ABCB9: variants seen among roughly 807,000 people sequenced by gnomAD.
The protein encoded by ABCB9 is ATP binding cassette subfamily B member 9.
Under a neutral mutation model 62.0 loss-of-function variants are expected in ABCB9, and 36 were observed. The observed-to-expected ratio is 0.58, with a 90% confidence interval of 0.45 to 0.77. The LOEUF is 0.77. ABCB9 is among the 30% of genes least tolerant of loss of function. The probability of loss-of-function intolerance (pLI) is 0.00; values close to 1 mark genes in which losing one functional copy is unlikely to be tolerated. For synonymous variants in ABCB9, 435 were observed against 461.4 expected, an observed-to-expected ratio of 0.94 and a Z score of 0.73; for missense variants, 943 against 1,054.7, an observed-to-expected ratio of 0.89 and a Z score of 1.47.
intron 1 of ABCB9, among the ~76,000 whole-genome samples, chr12:122,973,505 A>C (rs1358258812): frequency 1.6e-5 from 2 of 129,016 alleles, no homozygotes; most frequent in Non-Finnish European, 3.2e-5. Flanking sequence ...CGGAGCTTGC[A>C]GTGAGCCGAG....
chr12:122,960,338 C>T lies in ABCB9; in HGVS notation c.-87-16G>A. 2 of 1,449,098 alleles carry T rather than the reference C, an allele frequency of 1.4e-6. No individual in the cohort carries two copies. Among genetic ancestry groups the T allele is most frequent in the Non-Finnish European group, 1.8e-6 (2 of 1,090,294 alleles). The allele number at this position is 1,449,098 out of a possible 1,614,324, so 89.8% of individuals were successfully genotyped here. A position where few individuals can be genotyped will look rare whatever the true frequency, so the allele number is the denominator to read the frequency against. On this transcript the variant is annotated splice_polypyrimidine_tract_variant and intron_variant, in intron 1 of 11. Coordinates refer to ENST00000280560, the MANE Select transcript of ABCB9 (RefSeq NM_019625.4). The stretch of plus-strand genomic sequence containing the variant: ...GAGGCCAGGCCTGTAGGGACAACAG[C>T]AAACATCAGCACAAGGGGTTCAGGT...
At position 122,930,976 on chromosome 12, in the gene ABCB9, T is replaced by C. The variant is rs934206717; in HGVS notation, c.2041-805A>G. ...CTTGAGGTCACACAGTTATAAACTGTAGGACGGAGCTGCTAATCCAGGTAT... is the reference window on the plus strand; with the variant it reads ...CTTGAGGTCACACAGTTATAAACTGCAGGACGGAGCTGCTAATCCAGGTAT... On this transcript the variant is annotated intron_variant, in intron 11 of 11. Transcript: ENST00000280560. The surrounding 1 kb of genome is among the most constrained non-coding windows in gnomAD (Gnocchi z 4.9). Among the ~76,000 whole-genome samples, 2 of 152,180 alleles carry C rather than the reference T, an allele frequency of 1.3e-5. No individual in the cohort carries two copies. The highest frequency in any genetic ancestry group is 2.1e-4 in the South Asian group (1 of 4,836).
chr12:122,973,644 G>A (rs1177225359), intron 1 of ABCB9, among the ~76,000 whole-genome samples: 1 of 128,720 alleles, frequency 7.8e-6, no homozygotes, highest in African/African-American at 2.9e-5. Flanking sequence ...GGGGGACCAC[G>A]AGGTCAGGAG....
At chr12:122,971,170 G>A (rs1351233107), upstream of ABCB9, among the ~76,000 whole-genome samples, 1 of 152,010 alleles carries the variant, frequency 6.6e-6, no homozygotes, top group Non-Finnish European at 1.5e-5. Context: ...ATCACCTGAG[G>A]TCAGGAGTTC....
chr12:122,938,171 CAT>C (rs2035556329), intron 9 of ABCB9, among the ~76,000 whole-genome samples: 1 of 152,150 alleles, frequency 6.6e-6, no homozygotes, highest in Non-Finnish European at 1.5e-5. Flanking sequence ...CAACAGAAAA[CAT>C]AGACAAAATT....
At chr12:122,934,358 T>C (rs991137904) in intron 10 of ABCB9, among the ~76,000 whole-genome samples, 3 of 152,208 alleles carry the variant, frequency 2.0e-5, no homozygotes, top group African/African-American at 7.2e-5. Context: ...ATACATTGTA[T>C]ATATTTAATT....
At chr12:122,946,315 C>T (rs998639299) in intron 5 of ABCB9, 93 bp from the exon 6 acceptor site, 13 of 1,301,790 alleles carry the variant, frequency 1.0e-5, no homozygotes, top group South Asian at 2.5e-5. Context: ...TTCCACCCTT[C>T]GCTGGCACCA....
rs1450197525 is a variant in ABCB9 at position 122,932,095 on chromosome 12, GGCCCGTCTCTT to G, written c.2040+86_2040+96del. On this transcript the variant is annotated intron_variant, in intron 11 of 11. Transcript: ENST00000280560. The surrounding 1 kb of genome is among the most constrained non-coding windows in gnomAD (Gnocchi z 4.7). Reference sequence around the variant, plus strand: ...GCTGATAGTCTGGGAGAGCTCCTGGGGCCCGTCTCTTCTCAGCATCCATCTGCTGGGCGATG... The same window carrying G: ...GCTGATAGTCTGGGAGAGCTCCTGGGCTCAGCATCCATCTGCTGGGCGATG... The G allele has an allele frequency of 5.2e-6, 8 of 1,540,426 alleles. No homozygotes were observed. Among genetic ancestry groups the G allele is most frequent in the African/African-American group, 2.7e-5 (2 of 72,898 alleles).
chr12:122,930,163 C>G lies in ABCB9; in HGVS notation c.2049G>C (p.Gln683His), dbSNP rs974283214. The G allele has an allele frequency of 1.9e-6, 3 of 1,546,422 alleles. No individual in the cohort carries two copies. The highest frequency in any genetic ancestry group is 2.6e-6 in the Non-Finnish European group (3 of 1,143,536). Residue 683 changes from glutamine to histidine, a missense_variant, in exon 12 of 12, where the codon CAG (glutamine) becomes CAC (histidine). Gln to His is a conservative substitution (Grantham distance 24). Coordinates refer to ENST00000280560, the MANE Select transcript of ABCB9 (RefSeq NM_019625.4). This position sits in a 1 kb window ranked among gnomAD's most constrained non-coding sequence, Gnocchi z 4.9. Reference sequence around the variant, plus strand: ...GCTTCTGCAGGTTGCCATGGATGGCCTGCTGGATCTGCGGGGACAGTGGGG... The same window carrying G: ...GCTTCTGCAGGTTGCCATGGATGGCGTGCTGGATCTGCGGGGACAGTGGGG... Reference protein sequence around the residue: ...LDAESEYLIQQAIHGNLQKHT... With the variant: ...LDAESEYLIQHAIHGNLQKHT...
intron 1 of ABCB9, among the ~76,000 whole-genome samples, chr12:122,961,193 T>G (rs1459462960): frequency 6.6e-6 from 1 of 151,944 alleles, no homozygotes; most frequent in Non-Finnish European, 1.5e-5. Context: ...TTATTTTATT[T>G]ATTTATTTAT....
At chr12:122,939,302 C>T (rs2035617433) in intron 9 of ABCB9, 1 of 152,264 alleles carries the variant, frequency 6.6e-6, no homozygotes, top group Admixed American at 6.5e-5. Context: ...ACCTGGATGA[C>T]TCACAATGTC....
chr12:122,945,110 G>A (rs540145840), intron 6 of ABCB9, among the ~76,000 whole-genome samples: 92 of 152,332 alleles, frequency 6.0e-4, no homozygotes, highest in African/African-American at 2.0e-3. Flanking sequence ...AAGCTGCAAA[G>A]GCACCCCCTG....
chr12:122,923,297 A>AT lies in ABCB9; in HGVS notation c.2041-2255dup, dbSNP rs1023783594. ...ACCAGTACTTCTTATTTATTTATTT[A>AT]TTTTTTTTGAGACGGAGTCTCGCTC... On this transcript the variant is annotated intron_variant, in intron 11 of 11. Transcript: ENST00000344275. Among the ~76,000 whole-genome samples, 30 of 139,534 alleles carry AT rather than the reference A, an allele frequency of 2.2e-4. No homozygotes were observed. The East Asian group carries it at 2.4e-3, about 11-fold the overall frequency. 91.5% of individuals were successfully genotyped at this position (139,534 alleles called of 152,430 possible).
Position 122,940,876 on chromosome 12 carries a change from C to T in ABCB9, c.1500G>A (p.Leu500=). 1 of 1,612,254 alleles carries T rather than the reference C, an allele frequency of 6.2e-7. No individual in the cohort carries two copies. Among genetic ancestry groups the T allele is most frequent in the Non-Finnish European group, 8.5e-7 (1 of 1,179,204 alleles). The change falls in exon 8 of 12, where the codon CTG becomes CTA. Residue 500 remains leucine (L), a synonymous_variant. Coordinates refer to ENST00000280560, the MANE Select transcript of ABCB9 (RefSeq NM_019625.4). The surrounding 1 kb of genome is among the most constrained non-coding windows in gnomAD (Gnocchi z 4.8). ...VHDGSLAPDH[L]EGRVDFENVT... is the part of the protein sequence containing the mutation. ...CATTCTCAAAGTCCACCCGGCCCTC[C>T]AGGTGGTCGGGGGCCAAGCTGCCAT...
At chr12:122,963,908 G>A (rs1252693458) in intron 1 of ABCB9, among the ~76,000 whole-genome samples, 2 of 152,190 alleles carry the variant, frequency 1.3e-5, no homozygotes. Context: ...CCAGGTCCTG[G>A]CTCCCTCCCC....
rs778974080 is a variant in ABCB9 at position 122,946,173 on chromosome 12, G to A, written c.1103C>T (p.Ala368Val). Residue 368 changes from alanine (A) to valine (V), a missense_variant, in exon 6 of 12, where the codon GCG (alanine) becomes GTG (valine). Physicochemically the swap from Ala to Val is moderately conservative, Grantham distance 64. Transcript: ENST00000280560. ...QNALARASNT[A>V]EETISAMKTV... is the part of the protein sequence containing the mutation. ...CTTCATGGCACTGATGGTCTCCTCC[G>A]CCGTGTTGCTCGCTCTGGCCAGGGC... The A allele has an allele frequency of 5.6e-6, 9 of 1,614,106 alleles. No homozygotes were observed. The highest frequency in any genetic ancestry group is 3.3e-5 in the Admixed American group (2 of 60,006).
In ABCB9 at chr12:122,949,850, C is replaced by T. The variant is rs557025255; in HGVS notation, c.785G>A (p.Arg262Gln). Residue 262 changes from arginine to glutamine, a missense_variant, in exon 4 of 12, where the codon CGA (arginine) becomes CAA (glutamine). By Grantham distance (43) the Arg-to-Gln change is conservative. Transcript: ENST00000280560. ...LIFARLNIRL[R>Q]NCLFRSLVSQ... ...CACCAGTGAGCGGAAGAGACAGTTT[C>T]GAAGGCGAATGTTCAGTCTGGCAAA... The T allele has an allele frequency of 1.2e-5, 19 of 1,614,184 alleles. No homozygotes were observed. Among genetic ancestry groups the T allele is most frequent in the South Asian group, 5.5e-5 (5 of 91,068 alleles).
Position 122,940,745 on chromosome 12 carries a change from G to A in ABCB9, c.1569+62C>T. 2 of 1,483,746 alleles carry A rather than the reference G, an allele frequency of 1.3e-6. No homozygotes were observed. The highest frequency in any genetic ancestry group is 3.6e-4 in the Middle Eastern group (2 of 5,556). 91.9% of individuals were successfully genotyped at this position (1,483,746 alleles called of 1,614,324 possible). ...CCCTGCCACAGCCTGGTGTATAGGA[G>A]GTGCACCAGAAATGGGGTGACGGAA... is the stretch of plus-strand genomic sequence containing the variant. On this transcript the variant is annotated intron_variant, in intron 8 of 11. Coordinates refer to ENST00000280560, the MANE Select transcript of ABCB9 (RefSeq NM_019625.4). The surrounding 1 kb of genome is among the most constrained non-coding windows in gnomAD (Gnocchi z 4.8).
chr12:122,974,321 G>A (rs1209075494), intron 1 of ABCB9, among the ~76,000 whole-genome samples: 3 of 152,132 alleles, frequency 2.0e-5, no homozygotes, highest in African/African-American at 4.8e-5. Flanking sequence ...TTCTCGGGCC[G>A]GGCAGCTCTG....
Sources: allele counts gnomAD v4.1 joint callset (sites outside exome capture counted in the v4.1 genomes callset), GRCh38; gene constraint gnomAD v4.1.1; non-coding constraint Gnocchi (gnomAD v3.1); transcripts MANE v1.5; gene names NCBI Gene and HGNC (gene_info 2026-07-23, HGNC 2026-07-21).